Variants in PI4KA observed in about 807,000 individuals in gnomAD.
PI4KA encodes PI4-kinase alpha.
In PI4KA, 122 loss-of-function variants were observed where a neutral mutation model predicts 271.4. The observed-to-expected ratio is 0.45, with a 90% CI of 0.39 to 0.52. The LOEUF is 0.52. PI4KA is among the 20% of genes least tolerant of loss of function. The probability of loss-of-function intolerance (pLI) is 0.00; values close to 1 mark genes in which losing one functional copy is unlikely to be tolerated. For missense variants in PI4KA, 1,969 were observed against 2,769.1 expected (o/e 0.71, Z 6.48); for synonymous variants, 1,041 against 1,078.8 (o/e 0.96, Z 0.69).
intron 14 of PI4KA, among the ~76,000 whole-genome samples, chr22:20,801,181 C>A (rs1935305379): frequency 6.6e-6 from 1 of 151,404 alleles, no homozygotes; most frequent in South Asian, 2.1e-4. Context: ...TGAGCCACCA[C>A]ACCAGGCCTC....
Position 20,714,716 on chromosome 22 carries a change from G to A in PI4KA, c.5318-16C>T. The A allele has an allele frequency of 6.2e-7, 1 of 1,612,306 alleles. No homozygotes were observed. The highest frequency in any genetic ancestry group is 1.3e-5 in the African/African-American group (1 of 75,000). ...AGGTAGCAGCCTGTGCAGGGACAGAGGCAGTCACAGGGAGTGCATGTGTCA... is the reference window on the plus strand; with the variant it reads ...AGGTAGCAGCCTGTGCAGGGACAGAAGCAGTCACAGGGAGTGCATGTGTCA... On this transcript the variant is annotated splice_polypyrimidine_tract_variant and intron_variant, in intron 45 of 54. Transcript: ENST00000255882.
At chr22:20,776,305 C>T in intron 19 of PI4KA, among the ~76,000 whole-genome samples, 1 of 152,076 alleles carries the variant, frequency 6.6e-6, no homozygotes, top group East Asian at 1.9e-4. Context: ...GCCTGGGTGA[C>T]AGAGTGAGAC....
chr22:20,807,836 C>A (rs1935755831), intron 9 of PI4KA, among the ~76,000 whole-genome samples: 1 of 152,122 alleles, frequency 6.6e-6, no homozygotes, highest in Non-Finnish European at 1.5e-5. Flanking sequence ...TGTCCATCAT[C>A]CCAAGGATAC....
chr22:20,834,579 GTGCTTTC>G lies in PI4KA; in HGVS notation c.343_349del (p.Glu115GlnfsTer20), dbSNP rs766914939. 1.9e-6 allele frequency: 3 copies of G among 1,603,344 alleles called. No homozygotes were observed. In the African/African-American group the frequency reaches 4.0e-5, roughly 21 times the overall value. ...ACAATTACCTCTGCCTTTCCGAGCTGTGCTTTCTTCTACCCAATACACTTTTGGAAGA... is the reference window on the plus strand; with the variant it reads ...ACAATTACCTCTGCCTTTCCGAGCTGTTCTACCCAATACACTTTTGGAAGA... On this transcript the variant is annotated frameshift_variant, in exon 3 of 55. Transcript: ENST00000255882. LOFTEE classifies it high-confidence loss of function.
At chr22:20,773,084 C>T (rs1932961473) in intron 19 of PI4KA, among the ~76,000 whole-genome samples, 1 of 151,920 alleles carries the variant, frequency 6.6e-6, no homozygotes, top group African/African-American at 2.4e-5. Context: ...GAGTGAGACC[C>T]TGTCTCAAAA....
rs2147194890 is a variant in PI4KA, at chr22:20,718,780, G to A, written c.5159C>T (p.Thr1720Ile). The A allele has an allele frequency of 6.2e-7, 1 of 1,613,930 alleles. No homozygotes were observed. The highest frequency in any genetic ancestry group is 1.7e-5 in the Admixed American group (1 of 60,016). The change falls in exon 44 of 55, where the codon ACA becomes ATA. Residue 1720 changes from threonine (T) to isoleucine (I), a missense_variant. Coordinates refer to ENST00000255882, the MANE Select transcript of PI4KA (RefSeq NM_058004.4). ...DLLDQLVEEITGSLSGPAKDF... is the reference protein window; with the variant it reads ...DLLDQLVEEIIGSLSGPAKDF... Reference sequence around the variant, plus strand: ...CTTCGCTGGGCCGGACAAGGAGCCTGTGATCTCCTCTACCAACTGATCCAG... The same window carrying A: ...CTTCGCTGGGCCGGACAAGGAGCCTATGATCTCCTCTACCAACTGATCCAG...
chr22:20,780,580 C>G (rs1038494516), intron 19 of PI4KA, among the ~76,000 whole-genome samples: 2 of 151,960 alleles, frequency 1.3e-5, no homozygotes, highest in African/African-American at 4.8e-5. Flanking sequence ...TCAGCCTGAC[C>G]AACAGACCAA....
At chr22:20,852,110 C>G (rs1927057963) in intron 1 of PI4KA, among the ~76,000 whole-genome samples, 1 of 152,032 alleles carries the variant, frequency 6.6e-6, no homozygotes, top group Admixed American at 6.6e-5. Context: ...GGTGACAGAG[C>G]AAGACTCCAT....
chr22:20,721,204 A>C, intron 43 of PI4KA, 94 bp downstream of exon 43: 1 of 1,329,906 alleles, frequency 7.5e-7, no homozygotes, highest in Non-Finnish European at 1.1e-6. Context: ...GAGCTGGGGC[A>C]GTGCAGGCTG....
At position 20,774,773 on chromosome 22, in the gene PI4KA, A is replaced by G. The variant is rs201369583; in HGVS notation, c.2329-9080T>C. Among the ~76,000 whole-genome samples, 62 of 151,850 alleles carry G rather than the reference A, an allele frequency of 4.1e-4. No individual in the cohort carries two copies. In the East Asian group the frequency reaches 4.8e-3, roughly 12 times the overall value. ...TAGACTCCGTCAAAAAAAAAAAAAA[A>G]AAGAAGAAAAAAGAAAAAATGTTAG... On this transcript the variant is annotated intron_variant, in intron 19 of 54. Transcript: ENST00000255882.
rs1275141288 is a variant in PI4KA at position 20,742,735 on chromosome 22, G to T, written c.3486C>A (p.Thr1162=). 1 of 1,614,012 alleles carries T rather than the reference G, an allele frequency of 6.2e-7. No homozygotes were observed. The change falls in exon 31 of 55, where the codon ACC becomes ACA. Residue 1162 remains threonine (T), a synonymous_variant. Transcript: ENST00000255882. ...TGTTCAGGTCAGACATCTGGCCTGT[G>T]GTGCCTGAGAACCGAATCATTCCAT... ...EVYGMIRFSG[T]TGQMSDLNKM...
chr22:20,818,359 T>C (rs1922120578), intron 7 of PI4KA, 124 bp downstream of exon 7: 1 of 590,002 alleles, frequency 1.7e-6, no homozygotes, highest in Non-Finnish European at 2.9e-6. Context: ...TCCTAAAAGC[T>C]TGGCACTCTA....
chr22:20,757,854 T>C (rs1273684275), intron 23 of PI4KA, among the ~76,000 whole-genome samples: 1 of 152,086 alleles, frequency 6.6e-6, no homozygotes, highest in East Asian at 1.9e-4. Flanking sequence ...TTTTTCTTCC[T>C]TTTTTTGTCT....
At position 20,709,502 on chromosome 22, in the gene PI4KA, T is replaced by A. The variant is rs966214336; in HGVS notation, c.6174-123A>T. Reference sequence around the variant, plus strand: ...AGAGCCACGCCCTGGAAATGTACCTTTGGGGTCCACATGTTGGAAGATGGG... The same window carrying A: ...AGAGCCACGCCCTGGAAATGTACCTATGGGGTCCACATGTTGGAAGATGGG... On this transcript the variant is annotated intron_variant, in intron 53 of 54. Transcript: ENST00000255882. 7.0e-6 allele frequency: 5 copies of A among 716,508 alleles called. No homozygotes were observed. The Middle Eastern group carries it at 1.1e-3, about 160-fold the overall frequency. The allele number at this position is 716,508 out of a possible 1,614,324, so 44.4% of individuals were successfully genotyped here.
chr22:20,709,916 C>T lies in PI4KA; in HGVS notation c.6165G>A (p.Lys2055=), dbSNP rs759577525. Residue 2055 remains lysine, a synonymous_variant, in exon 53 of 55, where the codon AAG becomes AAA. Coordinates refer to ENST00000255882, the MANE Select transcript of PI4KA (RefSeq NM_058004.4). ...TCCACCAAGGAACCTACTTCAAGAGCTTGATTGTCTGGCCGCGAAAACAGG... is the reference window on the plus strand; with the variant it reads ...TCCACCAAGGAACCTACTTCAAGAGTTTGATTGTCTGGCCGCGAAAACAGG... The part of the protein sequence containing the change: ...GLPCFRGQTI[K]LLKHRFSPNM... 4.4e-6 allele frequency: 7 copies of T among 1,604,816 alleles called. No individual in the cohort carries two copies. The highest frequency in any genetic ancestry group is 5.1e-6 in the Non-Finnish European group (6 of 1,171,788).
At chr22:20,780,833 C>A (rs1295578171) in intron 19 of PI4KA, among the ~76,000 whole-genome samples, 1 of 150,468 alleles carries the variant, frequency 6.6e-6, no homozygotes, top group Non-Finnish European at 1.5e-5. Flanking sequence ...TATTAAGGGG[C>A]AGAGCCAAAG....
intron 19 of PI4KA, chr22:20,784,018 C>A: frequency 6.2e-7 from 1 of 1,614,190 alleles, no homozygotes; most frequent in Non-Finnish European, 8.5e-7. Flanking sequence ...ACAACCACAA[C>A]TTCCGGCTGA....
intron 22 of PI4KA, among the ~76,000 whole-genome samples, chr22:20,762,097 T>C (rs1049891176): frequency 6.6e-6 from 1 of 152,134 alleles, no homozygotes. Context: ...AAAAAAAATA[T>C]CTTTAACCTC....
At chr22:20,842,977 A>C (rs1055788042) in intron 1 of PI4KA, among the ~76,000 whole-genome samples, 7 of 151,900 alleles carry the variant, frequency 4.6e-5, no homozygotes, top group African/African-American at 1.7e-4. Flanking sequence ...ATGCGTCTAT[A>C]GTCCCAGCTA....
Sources: gnomAD v4.1 joint callset for allele counts (sites outside exome capture counted in the v4.1 genomes callset) on GRCh38, gnomAD v4.1.1 for gene constraint, MANE v1.5 for transcripts, NCBI Gene and HGNC (gene_info 2026-07-23, HGNC 2026-07-21) for gene names.